The following GABRA3 variants were observed in gnomAD, a reference collection of about 807,000 sequenced individuals.
GABRA3 encodes gamma-aminobutyric acid type A receptor subunit alpha3.
In GABRA3, 10 loss-of-function variants were observed where a neutral mutation model predicts 30.1. The ratio of observed to expected loss-of-function variants is 0.33; its 90% CI spans 0.20 to 0.56. The LOEUF is 0.56. GABRA3 is among the 20% of genes least tolerant of loss of function. GABRA3 has a pLI of 0.89. For missense variants in GABRA3, 233 were observed against 392.0 expected (o/e 0.59, Z 3.42); for synonymous variants, 151 against 146.8 (o/e 1.03, Z -0.21).
At chrX:152,241,647 A>G (rs1938375263) in intron 5 of GABRA3, among the ~76,000 whole-genome samples, 1 of 109,008 alleles carries the variant, frequency 9.2e-6, no homozygotes, top group Admixed American at 9.7e-5. Flanking sequence ...CTGTGCTAGC[A>G]ATCAGCGAGA....
chrX:152,265,087 G>C (rs1454973056), intron 4 of GABRA3, among the ~76,000 whole-genome samples: 1 of 111,318 alleles, frequency 9.0e-6, no homozygotes, highest in Non-Finnish European at 1.9e-5. Flanking sequence ...TGGACAGATA[G>C]TCCAGACAGA....
intron 7 of GABRA3, among the ~76,000 whole-genome samples, chrX:152,200,964 C>G (rs1352621491): frequency 2.7e-5 from 3 of 111,766 alleles, no homozygotes; most frequent in Non-Finnish European, 3.8e-5. Flanking sequence ...AGAACTGACA[C>G]CTAGGTTGCG....
intron 7 of GABRA3, among the ~76,000 whole-genome samples, chrX:152,199,872 A>G (rs1421857877): frequency 2.7e-5 from 3 of 110,220 alleles, no homozygotes; most frequent in Non-Finnish European, 5.7e-5. Flanking sequence ...CACAAAATCA[A>G]TCAATCAGCC....
intron 1 of GABRA3, among the ~76,000 whole-genome samples, chrX:152,377,974 G>A (rs931912200): frequency 8.9e-6 from 1 of 111,938 alleles, no homozygotes; most frequent in African/African-American, 3.3e-5. Flanking sequence ...CCCTGCAAAA[G>A]GTTTTAAACC....
chrX:152,445,403 A>T (rs1195066080), intron 1 of GABRA3, among the ~76,000 whole-genome samples: 2 of 111,404 alleles, frequency 1.8e-5, no homozygotes, highest in Non-Finnish European at 3.8e-5. Context: ...TCAAACCAGC[A>T]GTAATAGAAA....
At chrX:152,274,010 G>A (rs995411352) in intron 4 of GABRA3, among the ~76,000 whole-genome samples, 4 of 111,589 alleles carry the variant, frequency 3.6e-5, no homozygotes, top group African/African-American at 1.3e-4. Flanking sequence ...AGGTTTGAAA[G>A]TACTGTGATG....
At position 152,255,975 on chromosome X, in the gene GABRA3, A is replaced by G; in HGVS notation, c.354T>C (p.Phe118=). Residue 118 remains phenylalanine, a synonymous_variant, in exon 5 of 10, where the codon TTT becomes TTC. Transcript: ENST00000370314. ...GTCTTTCATCATGCCATGTCTGCCG[A>G]AAAAATACATCAATAGTGTACTCCT... ...TDMEYTIDVF[F]RQTWHDERLK... The G allele has an allele frequency of 8.3e-7, 1 of 1,204,106 alleles. No individual in the cohort carries two copies. Among genetic ancestry groups the G allele is most frequent in the Non-Finnish European group, 1.1e-6 (1 of 890,473 alleles).
At chrX:152,420,853 A>G (rs1275562971) in intron 1 of GABRA3, among the ~76,000 whole-genome samples, 1 of 110,634 alleles carries the variant, frequency 9.0e-6, no homozygotes, top group Admixed American at 9.7e-5. Context: ...TCTCACCTCA[A>G]TTATAATCCC....
chrX:152,252,458 G>A (rs1355743018), intron 5 of GABRA3, among the ~76,000 whole-genome samples: 1 of 110,951 alleles, frequency 9.0e-6, no homozygotes, highest in Non-Finnish European at 1.9e-5. Context: ...TACCCACGTC[G>A]TGTCTCAGTT....
At position 152,229,856 on chromosome X, in the gene GABRA3, G is replaced by T. The variant is rs745504067; in HGVS notation, c.552-5011C>A. ...CTTTATAGAGAAAAAGTTAAAGGAG[G>T]TCAAAAACAAAACCAGGAAGATGAA... On this transcript the variant is annotated intron_variant, in intron 5 of 9. Transcript: ENST00000370314. Among the ~76,000 whole-genome samples the T allele has an allele frequency of 4.5e-5, 5 of 111,056 alleles. No individual in the cohort carries two copies. The East Asian group carries it at 1.4e-3, about 31-fold the overall frequency.
chrX:152,416,661 T>G (rs1930228423), intron 1 of GABRA3, among the ~76,000 whole-genome samples: 1 of 111,287 alleles, frequency 9.0e-6, no homozygotes. Flanking sequence ...AGCATGGTAC[T>G]GGTACCAAAA....
chrX:152,223,978 C>G (rs950239152), intron 6 of GABRA3, among the ~76,000 whole-genome samples: 3 of 111,443 alleles, frequency 2.7e-5, no homozygotes, highest in Non-Finnish European at 5.7e-5. Context: ...AGAATAGAAC[C>G]TGGCACACAG....
intron 9 of GABRA3, among the ~76,000 whole-genome samples, chrX:152,171,675 T>C (rs894937009): frequency 3.6e-5 from 4 of 111,525 alleles, no homozygotes; most frequent in African/African-American, 1.3e-4. Flanking sequence ...TTGAAGATTA[T>C]CAATGTGATT....
chrX:152,182,552 A>G (rs1937173754), intron 9 of GABRA3, among the ~76,000 whole-genome samples: 1 of 79,708 alleles, frequency 1.3e-5, no homozygotes, highest in Admixed American at 1.5e-4. Context: ...GTGTATATAT[A>G]CACTATATAT....
chrX:152,330,989 T>C (rs1488620881), intron 3 of GABRA3, among the ~76,000 whole-genome samples: 1 of 111,138 alleles, frequency 9.0e-6, no homozygotes, highest in Non-Finnish European at 1.9e-5. Flanking sequence ...TTCAAAACAC[T>C]GGGTCACTTG....
chrX:152,413,428 A>C (rs1349768938), intron 1 of GABRA3, among the ~76,000 whole-genome samples: 3 of 111,662 alleles, frequency 2.7e-5, no homozygotes, highest in Non-Finnish European at 3.8e-5. Context: ...AAACATTAGC[A>C]AATTGAGTCC....
chrX:152,290,927 T>C (rs1191439784), intron 3 of GABRA3, among the ~76,000 whole-genome samples: 4 of 112,023 alleles, frequency 3.6e-5, no homozygotes, highest in African/African-American at 9.7e-5. Context: ...CTTTGTAGTA[T>C]AGTTTGAAGT....
At chrX:152,181,897 C>G (rs1355980323) in intron 9 of GABRA3, among the ~76,000 whole-genome samples, 1 of 110,639 alleles carries the variant, frequency 9.0e-6, no homozygotes, top group Non-Finnish European at 1.9e-5. Context: ...ATTTGGATGC[C>G]CTTTATTTCT....
At chrX:152,442,726 C>T (rs755143900) in intron 1 of GABRA3, among the ~76,000 whole-genome samples, 1 of 111,390 alleles carries the variant, frequency 9.0e-6, no homozygotes, top group East Asian at 2.8e-4. Context: ...AGATAAATTC[C>T]AAACAGAATC....
Sources: allele counts gnomAD v4.1 joint callset (sites outside exome capture counted in the v4.1 genomes callset), GRCh38; gene constraint gnomAD v4.1.1; transcripts MANE v1.5; gene names NCBI Gene and HGNC (gene_info 2026-07-23, HGNC 2026-07-21).